PRDM8: variants seen among roughly 807,000 people sequenced by gnomAD.
PRDM8 encodes the protein PR/SET domain 8.
PRDM8 carries 13 observed loss-of-function variants against 46.5 expected under a neutral mutation model. That is an observed-to-expected ratio of 0.28 (90% CI 0.18 to 0.44). The LOEUF (loss-of-function observed/expected upper bound fraction) is 0.44, where lower values mean the gene tolerates loss of function less well. Among genes scored for constraint, PRDM8 ranks in the 20% least tolerant of loss-of-function variants. The probability of loss-of-function intolerance (pLI) is 1.00; values close to 1 mark genes in which losing one functional copy is unlikely to be tolerated. For synonymous variants in PRDM8, 473 were observed against 438.4 expected (o/e 1.08, Z -0.98); for missense variants, 998 against 955.0 (o/e 1.04, Z -0.59).
In PRDM8 at chr4:80,198,274, T is replaced by C. The variant is rs150008640; in HGVS notation, c.-3+511T>C. 9.8e-5 allele frequency among the ~76,000 whole-genome samples: 15 copies of C among 152,344 alleles called. No homozygotes were observed. The East Asian group carries it at 2.9e-3, about 29-fold the overall frequency. ...TTTTTGCCGTATTGTTAGGTAGAACTGCATTTTAATGACTGTGTCCCTGCT... is the reference window on the plus strand; with the variant it reads ...TTTTTGCCGTATTGTTAGGTAGAACCGCATTTTAATGACTGTGTCCCTGCT... On this transcript the variant is annotated intron_variant, in intron 1 of 3. Transcript: ENST00000415738.
chr4:80,189,206 G>T (rs1289476545), intron 1 of PRDM8, among the ~76,000 whole-genome samples: 1 of 152,174 alleles, frequency 6.6e-6, no homozygotes. Context: ...TACCATCAAC[G>T]TGTTCACATG....
In PRDM8 at chr4:80,203,744, C is replaced by CA. The variant is rs1275919240; in HGVS notation, c.*212_*213insA. On this transcript the variant is annotated 3_prime_UTR_variant, in exon 4 of 4. Coordinates refer to ENST00000415738, the MANE Select transcript of PRDM8 (RefSeq NM_001099403.2). ...ATATTTACCCGGGACACACACCCCC[C>CA]CCCACACACACACACAGACACACTC... 97 of 480,698 alleles carry CA rather than the reference C, an allele frequency of 2.0e-4. 1 individual carries two copies. The highest frequency in any genetic ancestry group is 2.7e-4 in the East Asian group (6 of 22,426). The allele number at this position is 480,698 out of a possible 1,614,324, so 29.8% of individuals were successfully genotyped here.
At chr4:80,197,202 T>C (rs1738024708), upstream of PRDM8, 2 of 985,336 alleles carry the variant, frequency 2.0e-6, no homozygotes, top group Non-Finnish European at 2.4e-6. Flanking sequence ...GGAAAGGCCC[T>C]CTCCAATCAT....
upstream of PRDM8, among the ~76,000 whole-genome samples, chr4:80,193,954 C>A (rs574432826): frequency 6.6e-6 from 1 of 152,150 alleles, no homozygotes; most frequent in African/African-American, 2.4e-5. Flanking sequence ...ATAATCTTTA[C>A]GTGAATTATT....
At chr4:80,193,058 T>C (rs190703564), upstream of PRDM8, among the ~76,000 whole-genome samples, 3 of 152,342 alleles carry the variant, frequency 2.0e-5, no homozygotes, top group Admixed American at 1.3e-4. Flanking sequence ...GTGGTAGTAG[T>C]AGCTGCAGGA....
At chr4:80,196,148 C>T (rs1737943191), upstream of PRDM8, 3 of 939,296 alleles carry the variant, frequency 3.2e-6, no homozygotes, top group African/African-American at 1.8e-5. Flanking sequence ...TGCCAACTCC[C>T]CAAATACATT....
intron 1 of PRDM8, among the ~76,000 whole-genome samples, chr4:80,198,994 GTTT>G (rs1310531623): frequency 3.1e-5 from 2 of 63,504 alleles, no homozygotes; most frequent in Admixed American, 2.3e-4. Context: ...TTTTTTTTTT[GTTT>G]TTTTTTTTTT....
rs1018071956 is a variant in PRDM8, at chr4:80,192,281, C to A, written c.-885+712C>A. The stretch of plus-strand genomic sequence containing the variant: ...TATATATGCTGTGTGTCTATCGTTG[C>A]CTCTTTATTTAACTCAGGAATTACA... On this transcript the variant is annotated intron_variant, in intron 2 of 9. Transcript: ENST00000339711. Among the ~76,000 whole-genome samples the A allele has an allele frequency of 3.9e-5, 6 of 152,268 alleles. No homozygotes were observed. The East Asian group carries it at 1.2e-3, about 29-fold the overall frequency.
rs748887660 is a variant in PRDM8, at chr4:80,203,019, G to C, written c.1557G>C (p.Lys519Asn). 1 of 1,530,758 alleles carries C rather than the reference G, an allele frequency of 6.5e-7. No homozygotes were observed. The highest frequency in any genetic ancestry group is 2.6e-5 in the East Asian group (1 of 38,940). The allele number at this position is 1,530,758 out of a possible 1,614,324, so 94.8% of individuals were successfully genotyped here. Reference protein sequence around the residue: ...SQLSPLVLGQKLGALEPCHPA... With the variant: ...SQLSPLVLGQNLGALEPCHPA... ...TGTCCCCGCTGGTGCTGGGCCAGAA[G>C]CTGGGCGCGCTCGAGCCATGCCACC... Residue 519 changes from lysine to asparagine, a missense_variant, in exon 4 of 4, where the codon AAG (lysine) becomes AAC (asparagine). Lys to Asn is a moderately conservative substitution (Grantham distance 94). Transcript: ENST00000415738.
chr4:80,199,709 A>G (rs71596004), intron 1 of PRDM8, among the ~76,000 whole-genome samples: 51,924 of 131,540 alleles, frequency 0.39, 10,758 homozygotes, highest in East Asian at 0.56. Flanking sequence ...ATATATATAT[A>G]TGTGTGTGTG....
upstream of PRDM8, among the ~76,000 whole-genome samples, chr4:80,192,724 G>C (rs1737650210): frequency 6.6e-6 from 1 of 152,222 alleles, no homozygotes; most frequent in African/African-American, 2.4e-5. Flanking sequence ...ACATTTGGGA[G>C]AACCCAGGGG....
intron 1 of PRDM8, among the ~76,000 whole-genome samples, chr4:80,199,799 G>C (rs557847167): frequency 8.8e-4 from 133 of 150,594 alleles, no homozygotes; most frequent in Non-Finnish European, 1.6e-3. Context: ...CCAACATCAA[G>C]GTAATGCAAA....
At chr4:80,185,787 C>T (rs1341286984) in intron 1 of PRDM8, among the ~76,000 whole-genome samples, 1 of 152,224 alleles carries the variant, frequency 6.6e-6, no homozygotes, top group Admixed American at 6.5e-5. Context: ...ATCATATTTC[C>T]CTTCTCCCAT....
chr4:80,198,692 G>A (rs986185027), intron 1 of PRDM8, among the ~76,000 whole-genome samples: 1 of 151,872 alleles, frequency 6.6e-6, no homozygotes, highest in Admixed American at 6.6e-5. Context: ...TGGAATGGGG[G>A]GAAAAAAGCA....
chr4:80,194,692 G>T (rs181672298), upstream of PRDM8, among the ~76,000 whole-genome samples: 1 of 152,236 alleles, frequency 6.6e-6, no homozygotes, highest in Non-Finnish European at 1.5e-5. Flanking sequence ...GGGTAGGTCA[G>T]ATTCATAAAA....
At chr4:80,196,694 C>T (rs961871066), upstream of PRDM8, 12 of 932,054 alleles carry the variant, frequency 1.3e-5, no homozygotes, top group Non-Finnish European at 1.5e-5. Context: ...TGGGGCTGCG[C>T]AGAACGCACC....
chr4:80,198,979 G>GTTTTTTT (rs1738184321), intron 1 of PRDM8, among the ~76,000 whole-genome samples: 8 of 113,522 alleles, frequency 7.0e-5, no homozygotes, highest in Admixed American at 2.0e-4. Flanking sequence ...GGTTTTTTTG[G>GTTTTTTT]GTTTTTTTTT....
chr4:80,203,543 A>G lies in PRDM8; in HGVS notation c.*11A>G, dbSNP rs746054741. 6.3e-7 allele frequency: 1 copy of G among 1,597,628 alleles called. No homozygotes were observed. The highest frequency in any genetic ancestry group is 1.1e-5 in the South Asian group (1 of 89,198). ...ACCTCGCATAATTGACTCGGAAAGGACCCCAGCTTTCCACGCGCGCGCAAG... is the reference window on the plus strand; with the variant it reads ...ACCTCGCATAATTGACTCGGAAAGGGCCCCAGCTTTCCACGCGCGCGCAAG... On this transcript the variant is annotated 3_prime_UTR_variant, in exon 4 of 4. Coordinates refer to ENST00000415738, the MANE Select transcript of PRDM8 (RefSeq NM_001099403.2).
chr4:80,197,218 T>C (rs1222707878), upstream of PRDM8: 2 of 985,310 alleles, frequency 2.0e-6, no homozygotes, highest in Non-Finnish European at 2.4e-6. Flanking sequence ...ATCATTTTGG[T>C]ACCTTCCTTT....
Sources: gnomAD v4.1 joint callset for allele counts (sites outside exome capture counted in the v4.1 genomes callset) on GRCh38, gnomAD v4.1.1 for gene constraint, MANE v1.5 for transcripts, NCBI Gene and HGNC (gene_info 2026-07-23, HGNC 2026-07-21) for gene names.